The following CTCF variants were observed in gnomAD, a reference collection of about 807,000 sequenced individuals.
The protein encoded by CTCF is CCCTC-binding factor.
In CTCF, 7 loss-of-function variants were observed where a neutral mutation model predicts 72.3. The ratio of observed to expected loss-of-function variants is 0.10; its 90% CI spans 0.06 to 0.18. The LOEUF is 0.18. Ranked by LOEUF, CTCF falls within the 10% of genes least tolerant of loss-of-function variation. The pLI is 1.00. For missense variants in CTCF, 516 were observed against 949.1 expected, an observed-to-expected ratio of 0.54 and a Z score of 6.00; for synonymous variants, 374 against 315.8, an observed-to-expected ratio of 1.18 and a Z score of -1.95.
At chr16:67,585,200 C>G (rs1200930078) in intron 2 of CTCF, among the ~76,000 whole-genome samples, 1 of 152,184 alleles carries the variant, frequency 6.6e-6, no homozygotes, top group Non-Finnish European at 1.5e-5. Flanking sequence ...CAGGCATGCA[C>G]CATCATGCCC....
Position 67,621,748 on chromosome 16 carries a change from CT to C in CTCF, c.1357+176del, listed in dbSNP as rs34853932. ...TTTAGTAAAAGCCATTGCTTAGCTGCTTTTTTTTTTTTTTTTTTTCTATTTC... is the reference window on the plus strand; with the variant it reads ...TTTAGTAAAAGCCATTGCTTAGCTGCTTTTTTTTTTTTTTTTTTCTATTTC... On this transcript the variant is annotated intron_variant, in intron 7 of 11. Coordinates refer to ENST00000264010, the MANE Select transcript of CTCF (RefSeq NM_006565.4). 5.1e-3 allele frequency among the ~76,000 whole-genome samples: 624 copies of C among 121,342 alleles called. 1 individual carries two copies. Among genetic ancestry groups the C allele is most frequent in the East Asian group, 9.0e-3 (40 of 4,444 alleles). 79.6% of individuals were successfully genotyped at this position (121,342 alleles called of 152,430 possible).
chr16:67,576,559 T>G (rs1279686257), intron 2 of CTCF, among the ~76,000 whole-genome samples: 2 of 147,990 alleles, frequency 1.4e-5, no homozygotes, highest in Non-Finnish European at 1.5e-5. Context: ...TGTTTTTTTT[T>G]TTTTTTTTTT....
At chr16:67,601,947 T>G (rs1198809259) in intron 2 of CTCF, among the ~76,000 whole-genome samples, 1 of 150,304 alleles carries the variant, frequency 6.7e-6, no homozygotes, top group African/African-American at 2.4e-5. Context: ...CACTGCAGCC[T>G]CCGCCTCCAG....
At chr16:67,601,335 GTGTTT>G (rs910389366) in intron 2 of CTCF, among the ~76,000 whole-genome samples, 1 of 134,080 alleles carries the variant, frequency 7.5e-6, no homozygotes, top group African/African-American at 3.0e-5. Context: ...GTGTGTGTGT[GTGTTT>G]TGTTTTGTTT....
At chr16:67,622,053 T>C (rs2052207165) in intron 7 of CTCF, among the ~76,000 whole-genome samples, 1 of 151,886 alleles carries the variant, frequency 6.6e-6, no homozygotes, top group Non-Finnish European at 1.5e-5. Context: ...GCAGCCGGAG[T>C]TTATTAATAA....
At chr16:67,620,948 A>G in intron 6 of CTCF, 131 bp downstream of exon 6, 2 of 668,742 alleles carry the variant, frequency 3.0e-6, no homozygotes, top group South Asian at 9.4e-5. Context: ...TGGAATTGAT[A>G]ATGCTTCTCC....
intron 2 of CTCF, among the ~76,000 whole-genome samples, chr16:67,583,781 C>A (rs1450572138): frequency 9.2e-5 from 14 of 151,986 alleles, no homozygotes. Context: ...TTTCGGGCAG[C>A]TTTTCTAGTT....
intron 2 of CTCF, among the ~76,000 whole-genome samples, chr16:67,581,562 G>A (rs2051582802): frequency 6.6e-6 from 1 of 151,860 alleles, no homozygotes; most frequent in Non-Finnish European, 1.5e-5. Context: ...GGAGTGTGGT[G>A]GCACGATCTT....
intron 10 of CTCF, among the ~76,000 whole-genome samples, chr16:67,630,581 C>T (rs1043347866): frequency 6.6e-6 from 1 of 152,048 alleles, no homozygotes; most frequent in Non-Finnish European, 1.5e-5. Flanking sequence ...ATGGCAAAAC[C>T]TTGTCTCTAC....
chr16:67,580,635 C>T (rs1352822528), intron 2 of CTCF, among the ~76,000 whole-genome samples: 2 of 151,970 alleles, frequency 1.3e-5, no homozygotes, highest in Non-Finnish European at 2.9e-5. Context: ...AATCTCAGCT[C>T]ACTGCAGCCT....
At chr16:67,618,727 A>G (rs2052164588) in intron 5 of CTCF, among the ~76,000 whole-genome samples, 2 of 152,224 alleles carry the variant, frequency 1.3e-5, no homozygotes. Flanking sequence ...TAACGTCAAT[A>G]GTGATAGGAA....
intron 2 of CTCF, among the ~76,000 whole-genome samples, chr16:67,585,687 A>G (rs990934410): frequency 6.6e-6 from 1 of 152,162 alleles, no homozygotes; most frequent in East Asian, 1.9e-4. Context: ...TAATATAACA[A>G]ATCTCTGGAA....
intron 1 of CTCF, among the ~76,000 whole-genome samples, chr16:67,566,515 TAA>T (rs377253111): frequency 0.041 from 3,163 of 76,230 alleles, 171 homozygotes; most frequent in African/African-American, 0.15. Context: ...GTCTCAAAAT[TAA>T]AAAAAAAAAA....
At chr16:67,626,514 T>TG in intron 7 of CTCF, 41 bp from the exon 8 acceptor site, 2 of 1,357,762 alleles carry the variant, frequency 1.5e-6, no homozygotes, top group Non-Finnish European at 9.7e-7. Context: ...AATGCTTGTT[T>TG]GTGTTTTCAC....
intron 2 of CTCF, among the ~76,000 whole-genome samples, chr16:67,600,754 A>G (rs761007845): frequency 1.3e-5 from 2 of 152,182 alleles, no homozygotes; most frequent in Non-Finnish European, 2.9e-5. Flanking sequence ...GATTTCATAT[A>G]TATACAAAAT....
intron 2 of CTCF, among the ~76,000 whole-genome samples, chr16:67,604,730 G>GTTTTTTTTTTT (rs533827293): frequency 5.7e-5 from 7 of 123,744 alleles, no homozygotes; most frequent in South Asian, 2.5e-4. Flanking sequence ...TTTCACCAGG[G>GTTTTTTTTTTT]TTTTTTTTTT....
chr16:67,596,103 G>A (rs866678126), intron 2 of CTCF, among the ~76,000 whole-genome samples: 5 of 151,990 alleles, frequency 3.3e-5, no homozygotes, highest in Middle Eastern at 6.8e-3. Flanking sequence ...ATAGGTGCAC[G>A]CCGCCATGCC....
chr16:67,576,944 G>T (rs60853042), intron 2 of CTCF, among the ~76,000 whole-genome samples: 138 of 152,242 alleles, frequency 9.1e-4, no homozygotes, highest in Middle Eastern at 6.8e-3. Context: ...GTATGATCTC[G>T]TGAGAGTAAG....
chr16:67,584,335 TTC>T (rs2051633648), intron 2 of CTCF, among the ~76,000 whole-genome samples: 2 of 138,872 alleles, frequency 1.4e-5, no homozygotes, highest in Non-Finnish European at 3.0e-5. Context: ...AAAAAAAGTC[TTC>T]TTTTTTTTTT....
Sources: gnomAD v4.1 joint callset for allele counts (sites outside exome capture counted in the v4.1 genomes callset) on GRCh38, gnomAD v4.1.1 for gene constraint, MANE v1.5 for transcripts, NCBI Gene and HGNC (gene_info 2026-07-23, HGNC 2026-07-21) for gene names.